Variants in TMEM132D observed in about 807,000 individuals in gnomAD.
TMEM132D encodes mature OL transmembrane protein.
TMEM132D carries 21 observed loss-of-function variants against 62.3 expected under a neutral mutation model. That is an observed-to-expected ratio of 0.34 (90% CI 0.24 to 0.49). The LOEUF is 0.49. TMEM132D is among the 20% of genes least tolerant of loss of function. TMEM132D has a pLI of 0.99. For synonymous variants in TMEM132D, 621 were observed against 575.6 expected (o/e 1.08, Z -1.13); for missense variants, 1,346 against 1,402.8 (o/e 0.96, Z 0.65).
chr12:129,760,890 T>C (rs1338582082), intron 1 of TMEM132D, among the ~76,000 whole-genome samples: 1 of 152,090 alleles, frequency 6.6e-6, no homozygotes, highest in Admixed American at 6.5e-5. Context: ...CAACTCCCAC[T>C]TATGGGTCAG....
intron 1 of TMEM132D, among the ~76,000 whole-genome samples, chr12:129,762,544 T>G (rs1163804785): frequency 2.6e-5 from 4 of 152,072 alleles, no homozygotes; most frequent in Non-Finnish European, 4.4e-5. Context: ...GTAGACTCAT[T>G]TTAAGGGCAG....
chr12:129,708,131 G>T (rs1669451), intron 1 of TMEM132D, among the ~76,000 whole-genome samples: 2 of 152,032 alleles, frequency 1.3e-5, no homozygotes, highest in African/African-American at 2.4e-5. Flanking sequence ...GTGGGAGAAT[G>T]GCTTGAACCC....
chr12:129,115,770 G>A (rs1031223812), intron 5 of TMEM132D, among the ~76,000 whole-genome samples: 13 of 152,158 alleles, frequency 8.5e-5, no homozygotes, highest in Non-Finnish European at 1.9e-4. Context: ...CCAGGCAGAG[G>A]TGACTCATGG....
intron 3 of TMEM132D, among the ~76,000 whole-genome samples, chr12:129,384,244 T>A (rs1046621343): frequency 1.3e-5 from 2 of 152,164 alleles, no homozygotes; most frequent in Non-Finnish European, 2.9e-5. Flanking sequence ...ATTGAAACTT[T>A]AACAGTGACT....
In TMEM132D at chr12:129,181,153, AT is replaced by A. The variant is rs1413483210; in HGVS notation, c.1443+28366del. ...CTCAATTCAAACCCAACTAAGTCCA[AT>A]TTTTCTCTCCAGATTTGCTCCTTCT... On this transcript the variant is annotated intron_variant, in intron 5 of 8. Coordinates refer to ENST00000422113, the MANE Select transcript of TMEM132D (RefSeq NM_133448.3). Among the ~76,000 whole-genome samples, 4 of 152,006 alleles carry A rather than the reference AT, an allele frequency of 2.6e-5. No homozygotes were observed. In the East Asian group the frequency reaches 7.7e-4, roughly 29 times the overall value.
intron 4 of TMEM132D, among the ~76,000 whole-genome samples, chr12:129,237,768 C>T (rs921103960): frequency 3.9e-5 from 6 of 152,050 alleles, no homozygotes; most frequent in South Asian, 2.1e-4. Flanking sequence ...CACTTGGGTT[C>T]GGGAGTTTGA....
chr12:129,357,875 A>AT (rs1870124618), intron 3 of TMEM132D, among the ~76,000 whole-genome samples: 1 of 152,242 alleles, frequency 6.6e-6, no homozygotes, highest in South Asian at 2.1e-4. Context: ...ATCCTCTCCC[A>AT]TTCCCGCCTT....
At chr12:129,885,172 A>G (rs11613420) in intron 1 of TMEM132D, among the ~76,000 whole-genome samples, 30,049 of 152,174 alleles carry the variant, frequency 0.2, 3,795 homozygotes, top group Non-Finnish European at 0.29. Context: ...GGTTACAGAA[A>G]TGTTCTGTAT....
At chr12:129,435,423 T>G (rs1459580008) in intron 3 of TMEM132D, among the ~76,000 whole-genome samples, 1 of 152,202 alleles carries the variant, frequency 6.6e-6, no homozygotes, top group Admixed American at 6.5e-5. Flanking sequence ...CTATACTAAT[T>G]TACAGTCCCA....
At chr12:129,618,689 C>T (rs1034487022) in intron 2 of TMEM132D, among the ~76,000 whole-genome samples, 1 of 152,184 alleles carries the variant, frequency 6.6e-6, no homozygotes, top group African/African-American at 2.4e-5. Flanking sequence ...TATGTACATA[C>T]ATACAAATAC....
chr12:129,369,239 A>G (rs1870519404), intron 3 of TMEM132D, among the ~76,000 whole-genome samples: 1 of 152,202 alleles, frequency 6.6e-6, no homozygotes, highest in Non-Finnish European at 1.5e-5. Context: ...AAATACAGGA[A>G]ACAAAGCTGG....
chr12:129,687,000 G>A lies in TMEM132D; in HGVS notation c.968+12810C>T, dbSNP rs189794191. Among the ~76,000 whole-genome samples the A allele has an allele frequency of 4.5e-3, 679 of 152,232 alleles. 7 individuals carry two copies. The highest frequency in any genetic ancestry group is 0.015 in the African/African-American group (607 of 41,526). ...TCTCACTGCGCTAGCCTCCTTTAAGGTTCCTCGGATGTTATAGGCTATGAC... is the reference window on the plus strand; with the variant it reads ...TCTCACTGCGCTAGCCTCCTTTAAGATTCCTCGGATGTTATAGGCTATGAC... On this transcript the variant is annotated intron_variant, in intron 2 of 8. Coordinates refer to ENST00000422113, the MANE Select transcript of TMEM132D (RefSeq NM_133448.3).
intron 1 of TMEM132D, among the ~76,000 whole-genome samples, chr12:129,828,818 A>T (rs886077439): frequency 2.7e-4 from 17 of 63,856 alleles, no homozygotes; most frequent in East Asian, 5.1e-4. Flanking sequence ...GAAGGGAGAA[A>T]AAAGGGAGGG....
rs899992632 is a variant in TMEM132D at position 129,317,317 on chromosome 12, G to A, written c.1299+20317C>T. The stretch of plus-strand genomic sequence containing the variant: ...TCAAGATTTAGAGCTCCTTTTAGCA[G>A]TTCTTGTAGTGGTGGCTTGGTAATG... On this transcript the variant is annotated intron_variant, in intron 4 of 8. Coordinates refer to ENST00000422113, the MANE Select transcript of TMEM132D (RefSeq NM_133448.3). 2.6e-5 allele frequency among the ~76,000 whole-genome samples: 4 copies of A among 152,214 alleles called. No homozygotes were observed. In the South Asian group the frequency reaches 6.2e-4, roughly 24 times the overall value.
intron 4 of TMEM132D, among the ~76,000 whole-genome samples, chr12:129,217,008 T>A (rs957473028): frequency 1.3e-5 from 2 of 152,226 alleles, no homozygotes; most frequent in African/African-American, 4.8e-5. Flanking sequence ...GTTGTTGTTG[T>A]TGTTGTTCTT....
chr12:129,616,365 G>A (rs747453928), intron 2 of TMEM132D, among the ~76,000 whole-genome samples: 1 of 152,180 alleles, frequency 6.6e-6, no homozygotes, highest in Non-Finnish European at 1.5e-5. Context: ...CACCATGACT[G>A]AGGGGTCTTT....
chr12:129,412,157 A>G (rs566185178), intron 3 of TMEM132D, among the ~76,000 whole-genome samples: 1 of 101,458 alleles, frequency 9.9e-6, no homozygotes, highest in Non-Finnish European at 2.4e-5. Flanking sequence ...AAATTTATTT[A>G]AAAAAAAAAC....
chr12:129,649,528 A>G (rs1879867305), intron 2 of TMEM132D, among the ~76,000 whole-genome samples: 1 of 152,134 alleles, frequency 6.6e-6, no homozygotes, highest in Non-Finnish European at 1.5e-5. Flanking sequence ...ATAACTATAA[A>G]TATTTTTCTC....
intron 3 of TMEM132D, among the ~76,000 whole-genome samples, chr12:129,378,070 C>A (rs552626623): frequency 6.6e-6 from 1 of 152,316 alleles, no homozygotes; most frequent in African/African-American, 2.4e-5. Context: ...TTTGCACATA[C>A]CCCTTTCAAA....
Sources: allele counts gnomAD v4.1 joint callset (sites outside exome capture counted in the v4.1 genomes callset), GRCh38; gene constraint gnomAD v4.1.1; transcripts MANE v1.5; gene names NCBI Gene and HGNC (gene_info 2026-07-23, HGNC 2026-07-21).